Variants in VTI1A observed in about 807,000 individuals in gnomAD.
The protein encoded by VTI1A is vesicle transport through interaction with t-SNAREs 1A.
A neutral mutation model predicts 34.9 loss-of-function variants in VTI1A; 22 were observed. The observed-to-expected ratio is 0.63, with a 90% CI of 0.45 to 0.90. The LOEUF (loss-of-function observed/expected upper bound fraction) is 0.90. VTI1A is among the 40% of genes least tolerant of loss of function. The probability of loss-of-function intolerance (pLI) is 0.00; values close to 1 mark genes in which losing one functional copy is unlikely to be tolerated. For missense variants in VTI1A, 268 were observed against 275.6 expected (o/e 0.97, Z 0.20); for synonymous variants, 87 against 97.3 (o/e 0.89, Z 0.62).
At chr10:112,617,914 G>A (rs1320189116) in intron 5 of VTI1A, among the ~76,000 whole-genome samples, 1 of 152,152 alleles carries the variant, frequency 6.6e-6, no homozygotes, top group Admixed American at 6.5e-5. Flanking sequence ...CAGCACTTTG[G>A]GAGGCCGAGG....
intron 7 of VTI1A, among the ~76,000 whole-genome samples, chr10:112,682,906 G>T (rs1471979060): frequency 6.6e-6 from 1 of 152,252 alleles, no homozygotes; most frequent in African/African-American, 2.4e-5. Context: ...ACTGTCCTCA[G>T]ATGGCTGGAG....
chr10:112,808,260 C>T (rs534032549), intron 7 of VTI1A, among the ~76,000 whole-genome samples: 24 of 151,956 alleles, frequency 1.6e-4, no homozygotes, highest in African/African-American at 5.8e-4. Context: ...CAAATAAGAT[C>T]ACATTCTGAG....
rs113595503 is a variant in VTI1A, at chr10:112,802,194, G to A, written c.561-13096G>A. ...CAGGAGGTTGAGGCTGTGGTGAGCA[G>A]TGCCATGGCACTCCAGCCTGGGCAA... On this transcript the variant is annotated intron_variant, in intron 7 of 7. Transcript: ENST00000393077. 6.8e-3 allele frequency among the ~76,000 whole-genome samples: 1,035 copies of A among 152,310 alleles called. 5 individuals are homozygous for A. The highest frequency in any genetic ancestry group is 0.011 in the Non-Finnish European group (775 of 68,024).
At chr10:112,577,302 T>C (rs1184816462) in intron 5 of VTI1A, among the ~76,000 whole-genome samples, 1 of 152,226 alleles carries the variant, frequency 6.6e-6, no homozygotes, top group Non-Finnish European at 1.5e-5. Flanking sequence ...TATAACAATA[T>C]TTTTCTATCA....
intron 7 of VTI1A, among the ~76,000 whole-genome samples, chr10:112,697,069 C>T (rs574336837): frequency 1.3e-5 from 2 of 152,046 alleles, no homozygotes; most frequent in Admixed American, 6.5e-5. Flanking sequence ...AAATATTTTC[C>T]TAGGTATAGT....
chr10:112,615,455 G>A (rs1172718362), intron 5 of VTI1A, among the ~76,000 whole-genome samples: 1 of 152,176 alleles, frequency 6.6e-6, no homozygotes, highest in African/African-American at 2.4e-5. Flanking sequence ...CAACAATGAA[G>A]TTGTTTATTT....
chr10:112,460,342 T>C (rs1485997661), intron 1 of VTI1A, among the ~76,000 whole-genome samples, 182 bp from the exon 2 acceptor site: 2 of 152,086 alleles, frequency 1.3e-5, no homozygotes, highest in Non-Finnish European at 2.9e-5. Context: ...TATATGTTTC[T>C]AGATAGCCTG....
chr10:112,781,197 G>C (rs1463179079), intron 7 of VTI1A, among the ~76,000 whole-genome samples: 1 of 151,878 alleles, frequency 6.6e-6, no homozygotes, highest in African/African-American at 2.4e-5. Flanking sequence ...TACCCGCCTC[G>C]GCCTCCCAGA....
chr10:112,647,023 T>G (rs1286513902), intron 5 of VTI1A, among the ~76,000 whole-genome samples: 1 of 152,204 alleles, frequency 6.6e-6, no homozygotes, highest in Non-Finnish European at 1.5e-5. Context: ...TTGGCTTGAA[T>G]TATAATCCTA....
At chr10:112,541,999 T>TTTG (rs1042784812) in intron 5 of VTI1A, among the ~76,000 whole-genome samples, 1 of 152,202 alleles carries the variant, frequency 6.6e-6, no homozygotes, top group African/African-American at 2.4e-5. Context: ...GCTCTTTTTT[T>TTTG]TTGTTGTTGT....
intron 5 of VTI1A, among the ~76,000 whole-genome samples, chr10:112,598,251 A>C (rs904429399): frequency 1.3e-5 from 2 of 151,932 alleles, no homozygotes; most frequent in African/African-American, 2.4e-5. Flanking sequence ...AACCCCTTTC[A>C]CTTGTAAGTC....
At chr10:112,798,167 T>C (rs744340) in intron 7 of VTI1A, among the ~76,000 whole-genome samples, 124,236 of 152,154 alleles carry the variant, frequency 0.82, 51,599 homozygotes, top group Non-Finnish European at 0.9. Context: ...ACCAAAGCAA[T>C]GCTGTGCAGG....
At chr10:112,830,343 C>G in the VTI1A span, among the ~76,000 whole-genome samples, 1 of 151,540 alleles carries the variant, frequency 6.6e-6, no homozygotes, top group African/African-American at 2.4e-5. Context: ...TTCCCTCACT[C>G]CTTTCTCCCT....
chr10:112,543,248 G>A (rs1444215115), intron 5 of VTI1A, among the ~76,000 whole-genome samples: 4 of 152,074 alleles, frequency 2.6e-5, no homozygotes, highest in Admixed American at 2.0e-4. Flanking sequence ...TTGAGGAATC[G>A]CCACACTGTC....
chr10:112,757,678 G>A (rs989359369), intron 7 of VTI1A, among the ~76,000 whole-genome samples: 3 of 152,066 alleles, frequency 2.0e-5, no homozygotes, highest in Non-Finnish European at 2.9e-5. Context: ...GAGTCACTGC[G>A]CCTGACCTGT....
intron 7 of VTI1A, among the ~76,000 whole-genome samples, chr10:112,732,738 GA>G (rs1850309873): frequency 6.6e-6 from 1 of 152,124 alleles, no homozygotes; most frequent in Non-Finnish European, 1.5e-5. Flanking sequence ...TGAGCATCAG[GA>G]AACCCTTTAT....
chr10:112,829,566 C>T, the VTI1A span, among the ~76,000 whole-genome samples: 1 of 151,932 alleles, frequency 6.6e-6, no homozygotes, highest in African/African-American at 2.4e-5. Context: ...GCCTAGCCAA[C>T]ACGGTGAAAT....
chr10:112,804,850 GATTTTTTTTTTTTTTTTTTTTTTTTTTT>G (rs1853012218), intron 7 of VTI1A, among the ~76,000 whole-genome samples: 3 of 114,346 alleles, frequency 2.6e-5, no homozygotes, highest in African/African-American at 9.5e-5. Context: ...GTAGATTATA[GATTTTTTTTTTTTTTTTTTTTTTTTTTT>G]GAGACAGAGT....
intron 7 of VTI1A, among the ~76,000 whole-genome samples, chr10:112,791,910 A>G (rs1249794579): frequency 6.6e-6 from 1 of 151,608 alleles, no homozygotes; most frequent in African/African-American, 2.4e-5. Flanking sequence ...ATAGCAGGGG[A>G]AAAGAGATGC....
Sources: allele counts gnomAD v4.1 joint callset (sites outside exome capture counted in the v4.1 genomes callset), GRCh38; gene constraint gnomAD v4.1.1; transcripts MANE v1.5; gene names NCBI Gene and HGNC (gene_info 2026-07-23, HGNC 2026-07-21).